Variants in RIN2 observed in about 807,000 individuals in gnomAD.
The protein encoded by RIN2 is RAB5 interacting protein 2.
Under a neutral mutation model 78.0 loss-of-function variants are expected in RIN2, and 36 were observed. The ratio of observed to expected loss-of-function variants is 0.46; its 90% CI spans 0.35 to 0.61. The LOEUF is 0.61. RIN2 is among the 20% of genes least tolerant of loss of function. RIN2 has a pLI of 0.00. For synonymous variants in RIN2, 466 were observed against 466.8 expected, an observed-to-expected ratio of 1.00 and a Z score of 0.02; for missense variants, 1,087 against 1,159.7, an observed-to-expected ratio of 0.94 and a Z score of 0.91.
At chr20:19,954,872 A>T (rs2041471874) in intron 4 of RIN2, among the ~76,000 whole-genome samples, 1 of 152,160 alleles carries the variant, frequency 6.6e-6, no homozygotes, top group Non-Finnish European at 1.5e-5. Context: ...CGGTCTTCTC[A>T]TTGGTAAAAT....
In RIN2 at chr20:19,960,735, G is replaced by A. The variant is rs2041716717; in HGVS notation, c.387G>A (p.Lys129=). 1 of 1,604,496 alleles carries A rather than the reference G, an allele frequency of 6.2e-7. No homozygotes were observed. The highest frequency in any genetic ancestry group is 8.5e-7 in the Non-Finnish European group (1 of 1,175,572). The part of the protein sequence containing the change: ...FLVHKSTKMQ[K]KVLSLRLPCE... ...TTCATAAATCTACCAAGATGCAGAAGAAAGTCCTCTCCCTCCGCCTGCCCT... is the reference window on the plus strand; with the variant it reads ...TTCATAAATCTACCAAGATGCAGAAAAAAGTCCTCTCCCTCCGCCTGCCCT... Residue 129 remains lysine (K), a synonymous_variant, in exon 6 of 13, where the codon AAG becomes AAA. Coordinates refer to ENST00000255006, the MANE Select transcript of RIN2 (RefSeq NM_018993.4).
At chr20:19,953,740 A>C (rs576848646) in intron 4 of RIN2, among the ~76,000 whole-genome samples, 94 of 152,212 alleles carry the variant, frequency 6.2e-4, no homozygotes, top group African/African-American at 2.2e-3. Context: ...TTTTTAGGTG[A>C]TTTTTATCAG....
chr20:19,908,571 C>T (rs1051299026), intron 3 of RIN2, among the ~76,000 whole-genome samples: 2 of 151,910 alleles, frequency 1.3e-5, no homozygotes, highest in African/African-American at 4.8e-5. Flanking sequence ...TAAAATAATT[C>T]TGTGGAAACA....
intron 2 of RIN2, among the ~76,000 whole-genome samples, chr20:19,855,391 C>T (rs1490086972): frequency 1.3e-5 from 2 of 152,092 alleles, no homozygotes; most frequent in Non-Finnish European, 2.9e-5. Context: ...TGATGCTGGC[C>T]TCATAAAATG....
chr20:19,890,856 C>A (rs2038426827), intron 3 of RIN2, among the ~76,000 whole-genome samples: 1 of 152,116 alleles, frequency 6.6e-6, no homozygotes, highest in Non-Finnish European at 1.5e-5. Context: ...GTCCTTCAAG[C>A]TGCATTTTTC....
In RIN2 at chr20:19,974,908, A is replaced by G. The variant is rs1307920116; in HGVS notation, c.883A>G (p.Thr295Ala). 13 of 1,613,416 alleles carry G rather than the reference A, an allele frequency of 8.1e-6. No individual in the cohort carries two copies. The highest frequency in any genetic ancestry group is 1.1e-5 in the Non-Finnish European group (13 of 1,179,696). ...AGGCCTGAAACGGCCGAGCACAAGG[A>G]CTCCCAACGCGAATGGCACGGAGCG... ...SGGLKRPSTRTPNANGTERTR... is the reference protein window; with the variant it reads ...SGGLKRPSTRAPNANGTERTR... Residue 295 changes from threonine to alanine, a missense_variant, in exon 9 of 13, where the codon ACT becomes GCT. Physicochemically the swap from Thr to Ala is moderately conservative, Grantham distance 58. Transcript: ENST00000255006.
rs542246061 is a variant in RIN2, at chr20:19,782,694, GT to G, written c.-162-16927del. Reference sequence around the variant, plus strand: ...TACCTGTAAATGTGCATCTTCTCTTGTGTTCTAAATGCCTCCCTTCCTCCTA... The same window carrying G: ...TACCTGTAAATGTGCATCTTCTCTTGGTTCTAAATGCCTCCCTTCCTCCTA... On this transcript the variant is annotated intron_variant, in intron 1 of 12. Transcript: ENST00000255006. Among the ~76,000 whole-genome samples, 623 of 152,154 alleles carry G rather than the reference GT, an allele frequency of 4.1e-3. 2 individuals are homozygous for G. The highest frequency in any genetic ancestry group is 0.014 in the African/African-American group (592 of 41,522).
intron 3 of RIN2, among the ~76,000 whole-genome samples, chr20:19,933,993 A>C (rs867227944): frequency 1.3e-5 from 2 of 151,924 alleles, no homozygotes; most frequent in African/African-American, 2.4e-5. Context: ...GTATTTATGT[A>C]CAGATGGGGT....
In RIN2 at chr20:19,975,153, C is replaced by T; in HGVS notation, c.1128C>T (p.Thr376=). ...SFLEAEGGAK[T]LSGGRPGAGP... ...TGGAAGCAGAGGGCGGTGCAAAGAC[C>T]TTGAGCGGCGGCCGGCCGGGCGCAG... The change falls in exon 9 of 13, where the codon ACC becomes ACT. Residue 376 remains threonine (T), a synonymous_variant. Transcript: ENST00000255006. This position sits in a 1 kb window ranked among gnomAD's most constrained non-coding sequence, Gnocchi z 4.9. 1 of 1,612,754 alleles carries T rather than the reference C, an allele frequency of 6.2e-7. No individual in the cohort carries two copies. Among genetic ancestry groups the T allele is most frequent in the Non-Finnish European group, 8.5e-7 (1 of 1,179,718 alleles).
intron 2 of RIN2, among the ~76,000 whole-genome samples, chr20:19,842,211 T>G (rs1324375013): frequency 6.7e-5 from 4 of 59,678 alleles, no homozygotes; most frequent in African/African-American, 2.5e-4. Flanking sequence ...TTTCTTTGTT[T>G]TTTTTGTTTG....
At chr20:19,965,128 A>T in intron 7 of RIN2, 104 bp downstream of exon 7, 1 of 885,176 alleles carries the variant, frequency 1.1e-6, no homozygotes, top group South Asian at 1.4e-5. Flanking sequence ...CACCTATTTG[A>T]TGTTGGCAGA....
At chr20:19,775,258 G>A (rs996140623) in intron 1 of RIN2, among the ~76,000 whole-genome samples, 1 of 152,202 alleles carries the variant, frequency 6.6e-6, no homozygotes, top group Non-Finnish European at 1.5e-5. Context: ...CGTGTAATAG[G>A]ATGGCAATAA....
chr20:19,829,759 G>A (rs755136610), intron 2 of RIN2, among the ~76,000 whole-genome samples: 3 of 152,198 alleles, frequency 2.0e-5, no homozygotes, highest in Non-Finnish European at 4.4e-5. Context: ...CCACCAAGGG[G>A]TTGGCCACTA....
intron 3 of RIN2, among the ~76,000 whole-genome samples, chr20:19,927,927 G>T (rs2040291436): frequency 6.6e-6 from 1 of 151,996 alleles, no homozygotes; most frequent in South Asian, 2.1e-4. Flanking sequence ...TTTTGAGATG[G>T]AGTCTCACTC....
At chr20:19,872,527 G>A (rs569425938) in intron 2 of RIN2, among the ~76,000 whole-genome samples, 2 of 152,118 alleles carry the variant, frequency 1.3e-5, no homozygotes, top group Non-Finnish European at 2.9e-5. Context: ...CTGCCTGGCC[G>A]TCTGAGGGTG....
chr20:19,995,747 C>G (rs199677482), intron 11 of RIN2, among the ~76,000 whole-genome samples: 1 of 152,058 alleles, frequency 6.6e-6, no homozygotes, highest in Admixed American at 6.6e-5. Context: ...CACATTTTTG[C>G]GAACAGTTCT....
At chr20:19,863,126 A>T (rs1412915334) in intron 2 of RIN2, among the ~76,000 whole-genome samples, 6 of 152,250 alleles carry the variant, frequency 3.9e-5, no homozygotes, top group African/African-American at 1.4e-4. Flanking sequence ...CAAGAGGAAC[A>T]GCATGTGTGT....
intron 3 of RIN2, among the ~76,000 whole-genome samples, chr20:19,890,679 C>CCA (rs2038409462): frequency 1.6e-5 from 1 of 64,446 alleles, no homozygotes; most frequent in Non-Finnish European, 2.7e-5. Context: ...GTTGACTCTA[C>CCA]AAAAAAAAAA....
At chr20:19,894,730 G>A (rs1311757558) in intron 3 of RIN2, among the ~76,000 whole-genome samples, 1 of 151,900 alleles carries the variant, frequency 6.6e-6, no homozygotes, top group African/African-American at 2.4e-5. Flanking sequence ...CCTCTTTTTC[G>A]TCATTATCCT....
Sources: allele counts gnomAD v4.1 joint callset (sites outside exome capture counted in the v4.1 genomes callset), GRCh38; gene constraint gnomAD v4.1.1; non-coding constraint Gnocchi (gnomAD v3.1); transcripts MANE v1.5; gene names NCBI Gene and HGNC (gene_info 2026-07-23, HGNC 2026-07-21).